The following THSD7B variants were observed in gnomAD, a reference collection of about 807,000 sequenced individuals.
THSD7B encodes thrombospondin type 1 domain containing 7B.
In THSD7B, 138 loss-of-function variants were observed where a neutral mutation model predicts 213.6. The observed-to-expected ratio is 0.65, with a 90% CI of 0.56 to 0.74. The LOEUF (loss-of-function observed/expected upper bound fraction) is 0.74, where lower values mean the gene tolerates loss of function less well. Ranked by LOEUF, THSD7B falls within the 30% of genes least tolerant of loss-of-function variation. The pLI is 0.00. For missense variants in THSD7B, 1,931 were observed against 1,991.5 expected (o/e 0.97, Z 0.58); for synonymous variants, 742 against 687.0 (o/e 1.08, Z -1.25).
chr2:137,347,902 C>G (rs1332531846), intron 12 of THSD7B, among the ~76,000 whole-genome samples: 1 of 150,560 alleles, frequency 6.6e-6, no homozygotes, highest in Non-Finnish European at 1.5e-5. Context: ...TTGTCATGAT[C>G]AAATCACAGG....
Position 136,876,813 on chromosome 2 carries a change from G to T in THSD7B, c.-35-5331G>T, listed in dbSNP as rs150916406. Among the ~76,000 whole-genome samples, 632 of 152,306 alleles carry T rather than the reference G, an allele frequency of 4.1e-3. 4 individuals carry two copies. The highest frequency in any genetic ancestry group is 0.014 in the African/African-American group (597 of 41,560). ...CTTCTAGCTGGAATGGGGAGCTCCT[G>T]CCTGTATGAACCCACAGCTGAAACT... is the stretch of plus-strand genomic sequence containing the variant. On this transcript the variant is annotated intron_variant, in intron 1 of 27. Transcript: ENST00000409968.
At chr2:137,271,347 G>A (rs1006149086) in intron 10 of THSD7B, among the ~76,000 whole-genome samples, 23 of 146,602 alleles carry the variant, frequency 1.6e-4, no homozygotes, top group Admixed American at 9.1e-4. Context: ...TCTTCAAAGT[G>A]CTTCCTTGGC....
chr2:137,187,207 A>G (rs1002660859), intron 7 of THSD7B, among the ~76,000 whole-genome samples: 1 of 152,126 alleles, frequency 6.6e-6, no homozygotes, highest in African/African-American at 2.4e-5. Flanking sequence ...TGTCTTAGGA[A>G]CTGCTCTGCG....
At chr2:137,484,159 A>C (rs1273109888) in intron 15 of THSD7B, among the ~76,000 whole-genome samples, 1 of 131,948 alleles carries the variant, frequency 7.6e-6, no homozygotes, top group African/African-American at 2.8e-5. Flanking sequence ...TCCTAAAGCT[A>C]TCCCTCCCCC....
chr2:136,796,833 T>A (rs940296332), intron 1 of THSD7B, among the ~76,000 whole-genome samples: 4 of 151,946 alleles, frequency 2.6e-5, no homozygotes, highest in Non-Finnish European at 5.9e-5. Flanking sequence ...AGACTTGTGT[T>A]TTTTAATAGT....
intron 12 of THSD7B, among the ~76,000 whole-genome samples, chr2:137,299,033 T>A (rs999540726): frequency 6.6e-6 from 1 of 152,070 alleles, no homozygotes; most frequent in Non-Finnish European, 1.5e-5. Flanking sequence ...TGGCACTATG[T>A]GCCTGGAAAT....
chr2:136,910,339 T>A (rs774012302), intron 2 of THSD7B, among the ~76,000 whole-genome samples: 6 of 152,148 alleles, frequency 3.9e-5, no homozygotes, highest in Admixed American at 6.6e-5. Flanking sequence ...AGTGGCATAC[T>A]GGGTAGTGGA....
At chr2:136,770,891 A>G (rs919193053) in intron 1 of THSD7B, among the ~76,000 whole-genome samples, 2 of 152,102 alleles carry the variant, frequency 1.3e-5, no homozygotes, top group African/African-American at 4.8e-5. Context: ...TGAGTTATCA[A>G]TTCATATAAA....
In THSD7B at chr2:137,677,500, T is replaced by G. The variant is rs1046991002; in HGVS notation, c.*895T>G. ...AATATTTATAAATTCTTCTTTCAAA[T>G]TTAATTATCTGACCTCATTTAATAT... is the stretch of plus-strand genomic sequence containing the variant. On this transcript the variant is annotated 3_prime_UTR_variant, in exon 28 of 28. Transcript: ENST00000409968. 6.5e-6 allele frequency: 1 copy of G among 152,680 alleles called. No homozygotes were observed. Among genetic ancestry groups the G allele is most frequent in the Non-Finnish European group, 1.5e-5 (1 of 68,044 alleles). 9.5% of individuals were successfully genotyped at this position (152,680 alleles called of 1,614,324 possible). A position where few individuals can be genotyped will look rare whatever the true frequency, so the allele number is the denominator to read the frequency against.
chr2:137,579,538 G>A (rs74431965), intron 17 of THSD7B, among the ~76,000 whole-genome samples: 21,734 of 144,448 alleles, frequency 0.15, 1,661 homozygotes, highest in South Asian at 0.23. Context: ...ACGCGCGTGC[G>A]CACACACACA....
chr2:137,313,546 A>G (rs920775003), intron 12 of THSD7B, among the ~76,000 whole-genome samples: 4 of 149,994 alleles, frequency 2.7e-5, no homozygotes, highest in Non-Finnish European at 5.9e-5. Flanking sequence ...TGATCCTGTC[A>G]TTATGATGTT....
At chr2:137,364,399 A>G (rs1311726426) in intron 12 of THSD7B, among the ~76,000 whole-genome samples, 2 of 152,210 alleles carry the variant, frequency 1.3e-5, no homozygotes, top group Admixed American at 6.5e-5. Context: ...GGCCAGGGCA[A>G]TCAGGCAAGA....
intron 2 of THSD7B, among the ~76,000 whole-genome samples, chr2:136,924,606 A>C (rs1369825795): frequency 6.6e-6 from 1 of 152,150 alleles, no homozygotes; most frequent in Non-Finnish European, 1.5e-5. Context: ...TTTTGGAATC[A>C]GGAAGTATGA....
chr2:137,272,683 A>G, intron 11 of THSD7B, 21 bp downstream of exon 11: 1 of 1,607,282 alleles, frequency 6.2e-7, no homozygotes, highest in South Asian at 1.1e-5. Context: ...ACCTTTTAAA[A>G]TTATCGTTAG....
intron 15 of THSD7B, among the ~76,000 whole-genome samples, chr2:137,543,944 C>T (rs1195765125): frequency 1.3e-5 from 2 of 151,750 alleles, no homozygotes; most frequent in Admixed American, 6.6e-5. Context: ...TTCACACACA[C>T]AAAGATGCCT....
At chr2:137,078,263 G>T (rs1272995888) in intron 3 of THSD7B, among the ~76,000 whole-genome samples, 1 of 152,192 alleles carries the variant, frequency 6.6e-6, no homozygotes, top group Non-Finnish European at 1.5e-5. Flanking sequence ...ATAGCGTGAT[G>T]CCTCCAGCTT....
chr2:137,214,458 G>A (rs546675442), intron 7 of THSD7B, among the ~76,000 whole-genome samples: 2 of 152,220 alleles, frequency 1.3e-5, no homozygotes, highest in East Asian at 1.9e-4. Context: ...TATATTTTAA[G>A]TTCTGGGATA....
At chr2:137,232,028 G>C (rs913232605) in intron 8 of THSD7B, among the ~76,000 whole-genome samples, 6 of 152,160 alleles carry the variant, frequency 3.9e-5, no homozygotes, top group African/African-American at 1.4e-4. Context: ...TATTCTTAAA[G>C]TGAAGATGGT....
chr2:137,075,329 A>G (rs1249139342), intron 3 of THSD7B, among the ~76,000 whole-genome samples: 2 of 151,958 alleles, frequency 1.3e-5, no homozygotes, highest in African/African-American at 4.8e-5. Context: ...ACTTCATTTC[A>G]TTCATTTTGT....
Sources: gnomAD v4.1 joint callset for allele counts (sites outside exome capture counted in the v4.1 genomes callset) on GRCh38, gnomAD v4.1.1 for gene constraint, MANE v1.5 for transcripts, NCBI Gene and HGNC (gene_info 2026-07-23, HGNC 2026-07-21) for gene names.